SLC35F1: variants seen among roughly 807,000 people sequenced by gnomAD.
SLC35F1 encodes chromosome 6 open reading frame 169.
Under a neutral mutation model 48.7 loss-of-function variants are expected in SLC35F1, and 14 were observed. The observed-to-expected ratio is 0.29, with a 90% CI of 0.19 to 0.45. The LOEUF (loss-of-function observed/expected upper bound fraction) is 0.45. Ranked by LOEUF, SLC35F1 falls within the 20% of genes least tolerant of loss-of-function variation. The pLI, the probability that SLC35F1 is intolerant of heterozygous loss-of-function variation, is 1.00. For missense variants in SLC35F1, 404 were observed against 500.0 expected, an observed-to-expected ratio of 0.81 and a Z score of 1.83; for synonymous variants, 190 against 202.2, an observed-to-expected ratio of 0.94 and a Z score of 0.51.
At chr6:118,243,389 G>A (rs1775465326) in intron 3 of SLC35F1, among the ~76,000 whole-genome samples, 1 of 152,188 alleles carries the variant, frequency 6.6e-6, no homozygotes, top group African/African-American at 2.4e-5. Context: ...TCAGACAGGA[G>A]GATTGCTTGA....
intron 1 of SLC35F1, among the ~76,000 whole-genome samples, chr6:117,972,045 A>C (rs941062960): frequency 6.6e-6 from 1 of 152,106 alleles, no homozygotes; most frequent in African/African-American, 2.4e-5. Flanking sequence ...TCAGGGTGCA[A>C]ATTTTCCAAA....
intron 3 of SLC35F1, among the ~76,000 whole-genome samples, chr6:118,243,151 C>G (rs1457560518): frequency 6.6e-6 from 1 of 152,166 alleles, no homozygotes; most frequent in African/African-American, 2.4e-5. Flanking sequence ...TTAGTCTCAT[C>G]ACTTTATGTA....
intron 2 of SLC35F1, among the ~76,000 whole-genome samples, chr6:118,184,631 A>G (rs1389012505): frequency 6.6e-6 from 1 of 152,192 alleles, no homozygotes; most frequent in Admixed American, 6.5e-5. Context: ...AATATGTACC[A>G]TACATGTCTG....
intron 1 of SLC35F1, among the ~76,000 whole-genome samples, chr6:117,966,780 A>G (rs533658193): frequency 1.8e-4 from 27 of 152,214 alleles, no homozygotes; most frequent in African/African-American, 6.3e-4. Flanking sequence ...CATTAGCCAT[A>G]TTGGATTATG....
intron 1 of SLC35F1, among the ~76,000 whole-genome samples, chr6:117,956,112 G>A (rs1034666010): frequency 1.3e-5 from 2 of 152,206 alleles, no homozygotes; most frequent in African/African-American, 4.8e-5. Context: ...AACCAGAGCT[G>A]AATGTAGTCC....
At chr6:118,153,142 C>T (rs1435641217) in intron 1 of SLC35F1, among the ~76,000 whole-genome samples, 5 of 152,172 alleles carry the variant, frequency 3.3e-5, no homozygotes, top group Non-Finnish European at 7.4e-5. Context: ...ACTCTGTGCT[C>T]GTTCCAGAAA....
chr6:117,931,422 T>G (rs1776100831), intron 1 of SLC35F1, among the ~76,000 whole-genome samples: 1 of 152,192 alleles, frequency 6.6e-6, no homozygotes, highest in Non-Finnish European at 1.5e-5. Flanking sequence ...CAAAGACATT[T>G]TTTTCTTCAA....
chr6:118,243,145 T>A (rs565470764), intron 3 of SLC35F1, among the ~76,000 whole-genome samples: 1 of 152,286 alleles, frequency 6.6e-6, no homozygotes, highest in East Asian at 1.9e-4. Context: ...CAACAGTTAG[T>A]CTCATCACTT....
chr6:118,206,605 T>C (rs1774938138), intron 2 of SLC35F1, among the ~76,000 whole-genome samples: 1 of 152,186 alleles, frequency 6.6e-6, no homozygotes, highest in Admixed American at 6.6e-5. Context: ...CGTGGGAGAA[T>C]GGTGTGATTA....
At chr6:118,096,811 G>A (rs941587992) in intron 1 of SLC35F1, among the ~76,000 whole-genome samples, 7 of 152,076 alleles carry the variant, frequency 4.6e-5, no homozygotes, top group African/African-American at 1.7e-4. Flanking sequence ...TCTACTATTT[G>A]TGGTTTCACT....
intron 1 of SLC35F1, among the ~76,000 whole-genome samples, chr6:118,101,772 T>G (rs894169926): frequency 4.6e-5 from 7 of 152,238 alleles, no homozygotes; most frequent in African/African-American, 1.7e-4. Context: ...TGGATGGAGC[T>G]TTTTATTTTA....
intron 3 of SLC35F1, among the ~76,000 whole-genome samples, chr6:118,257,694 G>T (rs554481019): frequency 6.6e-6 from 1 of 152,266 alleles, no homozygotes; most frequent in East Asian, 1.9e-4. Context: ...AGAACATGTA[G>T]TATTTTAGAC....
rs751523511 is a variant in SLC35F1, at chr6:118,050,584, AAG to A, written c.174-103856_174-103855del. 2.0e-5 allele frequency among the ~76,000 whole-genome samples: 3 copies of A among 152,136 alleles called. No homozygotes were observed. In the East Asian group the frequency reaches 5.8e-4, roughly 29 times the overall value. On this transcript the variant is annotated intron_variant, in intron 1 of 7. Coordinates refer to ENST00000360388, the MANE Select transcript of SLC35F1 (RefSeq NM_001029858.4). ...ATCCAGGCAAAGCAAAAAGGAGAGA[AAG>A]AGAGTTTTAGGCAGGGAGAACAACA...
intron 1 of SLC35F1, among the ~76,000 whole-genome samples, chr6:118,070,378 G>A (rs1340346759): frequency 6.6e-6 from 1 of 152,050 alleles, no homozygotes; most frequent in East Asian, 1.9e-4. Flanking sequence ...CAGTAGGTGT[G>A]AGCACATAAA....
chr6:118,066,511 A>G (rs1238921773), intron 1 of SLC35F1, among the ~76,000 whole-genome samples: 1 of 152,172 alleles, frequency 6.6e-6, no homozygotes. Flanking sequence ...GCCTCCAGAT[A>G]AGAATGCAGC....
chr6:118,181,309 G>C (rs1774575575), intron 2 of SLC35F1, among the ~76,000 whole-genome samples: 1 of 152,112 alleles, frequency 6.6e-6, no homozygotes, highest in Non-Finnish European at 1.5e-5. Flanking sequence ...CCATAGGCAA[G>C]AACAGTATTC....
intron 1 of SLC35F1, among the ~76,000 whole-genome samples, chr6:117,929,022 T>C (rs969675929): frequency 2.0e-5 from 3 of 152,088 alleles, no homozygotes; most frequent in African/African-American, 4.8e-5. Flanking sequence ...CCAGATAGTA[T>C]GAAGGAACTG....
At chr6:118,163,894 A>G (rs779761142) in intron 2 of SLC35F1, among the ~76,000 whole-genome samples, 11 of 152,392 alleles carry the variant, frequency 7.2e-5, no homozygotes, top group African/African-American at 1.2e-4. Context: ...CTAAGTTTTC[A>G]TTAAATCAAA....
intron 1 of SLC35F1, among the ~76,000 whole-genome samples, chr6:117,919,739 T>G (rs114308187): frequency 0.013 from 1,995 of 152,282 alleles, 54 homozygotes; most frequent in African/African-American, 0.045. Context: ...CATATGTATT[T>G]AATAAAAGTA....
Sources: gnomAD v4.1 joint callset for allele counts (sites outside exome capture counted in the v4.1 genomes callset) on GRCh38, gnomAD v4.1.1 for gene constraint, MANE v1.5 for transcripts, NCBI Gene and HGNC (gene_info 2026-07-23, HGNC 2026-07-21) for gene names.